FBXO3: variants seen among roughly 807,000 people sequenced by gnomAD.
FBXO3 encodes F-box protein 3, also known as F-box only protein 3.
FBXO3 carries 17 observed loss-of-function variants against 64.8 expected under a neutral mutation model. The ratio of observed to expected loss-of-function variants is 0.26; its 90% CI spans 0.18 to 0.39. The LOEUF is 0.39. Among genes scored for constraint, FBXO3 ranks in the 10% least tolerant of loss-of-function variants. The pLI, the probability that FBXO3 is intolerant of heterozygous loss-of-function variation, is 1.00. For missense variants in FBXO3, 420 were observed against 589.9 expected, an observed-to-expected ratio of 0.71 and a Z score of 2.98; for synonymous variants, 182 against 201.6, an observed-to-expected ratio of 0.90 and a Z score of 0.82.
At chr11:33,760,467 A>G (rs939935137) in intron 3 of FBXO3, among the ~76,000 whole-genome samples, 3 of 151,674 alleles carry the variant, frequency 2.0e-5, no homozygotes, top group Non-Finnish European at 4.4e-5. Context: ...ACATAGCAAG[A>G]CCCCATCTAT....
At position 33,743,725 on chromosome 11, in the gene FBXO3, T is replaced by C. The variant is rs545561317; in HGVS notation, c.1240-1641A>G. The C allele has an allele frequency of 1.3e-5, 2 of 152,482 alleles. No individual in the cohort carries two copies. Among genetic ancestry groups the C allele is most frequent in the East Asian group, 1.9e-4 (1 of 5,192 alleles). 9.4% of individuals were successfully genotyped at this position (152,482 alleles called of 1,614,324 possible). ...TTGCTTCGACCTCTCGTCTCCCACA[T>C]ATCCACCTAATTCCCTCTGCTCCTT... On this transcript the variant is annotated intron_variant, in intron 10 of 10. Coordinates refer to ENST00000265651, the MANE Select transcript of FBXO3 (RefSeq NM_012175.4). This position sits in a 1 kb window ranked among gnomAD's most constrained non-coding sequence, Gnocchi z 4.6.
At chr11:33,747,377 T>A in intron 9 of FBXO3, 57 bp from the exon 10 acceptor site, 1 of 1,366,684 alleles carries the variant, frequency 7.3e-7, no homozygotes, top group Non-Finnish European at 1.0e-6. Context: ...TTTATTACAA[T>A]AAATAAGGTA....
intron 3 of FBXO3, 86 bp downstream of exon 3, chr11:33,768,765 G>T: frequency 6.7e-7 from 1 of 1,491,416 alleles, no homozygotes; most frequent in Non-Finnish European, 9.4e-7. Context: ...CAGTTGCGTA[G>T]ATGACAGAGA....
At chr11:33,763,128 C>T (rs541261564) in intron 3 of FBXO3, 2 of 215,286 alleles carry the variant, frequency 9.3e-6, no homozygotes, top group African/African-American at 4.5e-5. Flanking sequence ...AACTTTCCTA[C>T]AATGAAAACT....
chr11:33,757,079 G>C, intron 4 of FBXO3: 1 of 518,628 alleles, frequency 1.9e-6, no homozygotes, highest in South Asian at 1.4e-5. Flanking sequence ...GATCACCTTT[G>C]GGATTCCCTG....
intron 1 of FBXO3, chr11:33,772,990 A>AG: frequency 6.9e-6 from 1 of 144,608 alleles, no homozygotes; most frequent in Non-Finnish European, 1.5e-5. Flanking sequence ...CTTGAGCCAC[A>AG]GGAAAAAAAA....
chr11:33,741,769 A>G lies in FBXO3; in HGVS notation c.*139T>C. 1 of 786,792 alleles carries G rather than the reference A, an allele frequency of 1.3e-6. No individual in the cohort carries two copies. The highest frequency in any genetic ancestry group is 1.8e-6 in the Non-Finnish European group (1 of 553,036). The allele number at this position is 786,792 out of a possible 1,614,324, so 48.7% of individuals were successfully genotyped here. A position where few individuals can be genotyped will look rare whatever the true frequency, so the allele number is the denominator to read the frequency against. ...ACAATCCAATTCCTAATGTAGTGTCACATAGAACCCAGGGCCTGAAACAAT... is the reference window on the plus strand; with the variant it reads ...ACAATCCAATTCCTAATGTAGTGTCGCATAGAACCCAGGGCCTGAAACAAT... On this transcript the variant is annotated 3_prime_UTR_variant, in exon 11 of 11. Coordinates refer to ENST00000265651, the MANE Select transcript of FBXO3 (RefSeq NM_012175.4).
rs1475119011 is a variant in FBXO3, at chr11:33,741,131, A to G, written c.*777T>C. The G allele has an allele frequency of 6.5e-6, 1 of 152,696 alleles. No individual in the cohort carries two copies. The highest frequency in any genetic ancestry group is 1.5e-5 in the Non-Finnish European group (1 of 68,036). 9.5% of individuals were successfully genotyped at this position (152,696 alleles called of 1,614,324 possible). On this transcript the variant is annotated 3_prime_UTR_variant, in exon 11 of 11. Transcript: ENST00000265651. Reference sequence around the variant, plus strand: ...AAAGGAGAAACAAAACAGAAGCAGTATTTACAAATTTAAACTACATGAGAT... The same window carrying G: ...AAAGGAGAAACAAAACAGAAGCAGTGTTTACAAATTTAAACTACATGAGAT...
intron 4 of FBXO3, among the ~76,000 whole-genome samples, chr11:33,758,080 C>G (rs1855152568): frequency 6.6e-6 from 1 of 152,002 alleles, no homozygotes; most frequent in Non-Finnish European, 1.5e-5. Context: ...GTGTATGCAG[C>G]TCTGGACAAA....
In FBXO3 at chr11:33,741,815, C is replaced by A. The variant is rs1854692543; in HGVS notation, c.*93G>T. The A allele has an allele frequency of 2.4e-6, 3 of 1,244,870 alleles. No homozygotes were observed. Among genetic ancestry groups the A allele is most frequent in the Non-Finnish European group, 3.2e-6 (3 of 943,556 alleles). 77.1% of individuals were successfully genotyped at this position (1,244,870 alleles called of 1,614,324 possible). A position where few individuals can be genotyped will look rare whatever the true frequency, so the allele number is the denominator to read the frequency against. ...ACAATATTTCATGCTAGTTTTCCTG[C>A]TATATGCAGAGAACAATTTAGTTAT... On this transcript the variant is annotated 3_prime_UTR_variant, in exon 11 of 11. Coordinates refer to ENST00000265651, the MANE Select transcript of FBXO3 (RefSeq NM_012175.4).
intron 10 of FBXO3, chr11:33,746,654 C>A (rs1223097183): frequency 1.7e-5 from 16 of 942,036 alleles, no homozygotes; most frequent in Non-Finnish European, 2.0e-5. Flanking sequence ...CATAAGGTAA[C>A]CCTAAAAACG....
chr11:33,741,943 G>T lies in FBXO3; in HGVS notation c.1381C>A (p.Pro461Thr). The change falls in exon 11 of 11, where the codon CCC becomes ACC. Residue 461 changes from proline (P) to threonine (T), a missense_variant. By Grantham distance (38) the Pro-to-Thr change is conservative. Coordinates refer to ENST00000265651, the MANE Select transcript of FBXO3 (RefSeq NM_012175.4). ...EERRRRVFDV[P>T]IRRRRCSRLF ...CGTGAGCAGCGGCGTCTGCGAATGG[G>T]AACATCAAAGACTCTCCTCCGTCTC... 6.2e-7 allele frequency: 1 copy of T among 1,613,342 alleles called. No homozygotes were observed. The highest frequency in any genetic ancestry group is 2.2e-5 in the East Asian group (1 of 44,870).
chr11:33,758,735 G>T, intron 3 of FBXO3, 134 bp from the exon 4 acceptor site: 1 of 532,338 alleles, frequency 1.9e-6, no homozygotes, highest in Non-Finnish European at 3.0e-6. Context: ...TGAAATAGAA[G>T]GAAATGAATT....
rs1429816312 is a variant in FBXO3 at position 33,741,828 on chromosome 11, AC to A, written c.*79del. The stretch of plus-strand genomic sequence containing the variant: ...CTAGTTTTCCTGCTATATGCAGAGA[AC>A]AATTTAGTTATTTACATTATTGAGA... On this transcript the variant is annotated 3_prime_UTR_variant, in exon 11 of 11. Coordinates refer to ENST00000265651, the MANE Select transcript of FBXO3 (RefSeq NM_012175.4). 1 of 1,385,644 alleles carries A rather than the reference AC, an allele frequency of 7.2e-7. No individual in the cohort carries two copies. 85.8% of individuals were successfully genotyped at this position (1,385,644 alleles called of 1,614,324 possible).
intron 3 of FBXO3, among the ~76,000 whole-genome samples, chr11:33,760,231 G>A (rs1855209239): frequency 1.3e-5 from 2 of 152,192 alleles, no homozygotes; most frequent in African/African-American, 4.8e-5. Context: ...ATACATCTTG[G>A]AAAACTGCTA....
In FBXO3 at chr11:33,761,329, C is replaced by T. The variant is rs1855236481; in HGVS notation, c.359-2728G>A. 2.0e-5 allele frequency among the ~76,000 whole-genome samples: 3 copies of T among 151,952 alleles called. No individual in the cohort carries two copies. In the South Asian group the frequency reaches 6.2e-4, roughly 32 times the overall value. The stretch of plus-strand genomic sequence containing the variant: ...AAAGACAAACAGATCAGATAAAAAA[C>T]AAAAAATTATATACAAGACACATCT... On this transcript the variant is annotated intron_variant, in intron 3 of 10. Transcript: ENST00000265651.
chr11:33,750,163 AG>A (rs1413580729), intron 8 of FBXO3, among the ~76,000 whole-genome samples: 2 of 134,232 alleles, frequency 1.5e-5, no homozygotes, highest in African/African-American at 5.2e-5. Flanking sequence ...CACATTTATT[AG>A]ATTTTTTAAT....
intron 1 of FBXO3, chr11:33,771,905 A>AG (rs1855520505): frequency 6.6e-6 from 1 of 152,238 alleles, no homozygotes; most frequent in Non-Finnish European, 1.5e-5. Flanking sequence ...TATGCATGAA[A>AG]GATGAATTCA....
chr11:33,774,319 C>T lies in FBXO3; in HGVS notation c.104+75G>A, dbSNP rs1855585828. 2.3e-6 allele frequency: 3 copies of T among 1,296,010 alleles called. No homozygotes were observed. The Admixed American group carries it at 6.2e-5, about 27-fold the overall frequency. The allele number at this position is 1,296,010 out of a possible 1,614,324, so 80.3% of individuals were successfully genotyped here. Reference sequence around the variant, plus strand: ...GGAAGCTCGGGTCCTGTCAGCGGCCCCGACCCCCTTTCCCCCTGCCTCACC... The same window carrying T: ...GGAAGCTCGGGTCCTGTCAGCGGCCTCGACCCCCTTTCCCCCTGCCTCACC... On this transcript the variant is annotated intron_variant, in intron 1 of 10. Transcript: ENST00000265651.
Sources: gnomAD v4.1 joint callset for allele counts (sites outside exome capture counted in the v4.1 genomes callset) on GRCh38, gnomAD v4.1.1 for gene constraint, Gnocchi (gnomAD v3.1) non-coding constraint, MANE v1.5 for transcripts, NCBI Gene and HGNC (gene_info 2026-07-23, HGNC 2026-07-21) for gene names.